The following IRAG2 variants were observed in gnomAD, a reference collection of about 807,000 sequenced individuals.
IRAG2 encodes lymphoid restricted membrane protein.
In IRAG2, 45 loss-of-function variants were observed where a neutral mutation model predicts 69.9. The ratio of observed to expected loss-of-function variants is 0.64; its 90% CI spans 0.51 to 0.83. The LOEUF (loss-of-function observed/expected upper bound fraction) is 0.83, where lower values mean the gene tolerates loss of function less well. Among genes scored for constraint, IRAG2 ranks in the 40% least tolerant of loss-of-function variants. The pLI, the probability that IRAG2 is intolerant of heterozygous loss-of-function variation, is 0.00. For synonymous variants in IRAG2, 193 were observed against 202.4 expected (o/e 0.95, Z 0.40); for missense variants, 520 against 587.0 (o/e 0.89, Z 1.18).
chr12:25,030,959 CATAG>C, intron 10 of IRAG2: 3 of 883,058 alleles, frequency 3.4e-6, no homozygotes, highest in South Asian at 1.1e-4. Context: ...TAGATAGATA[CATAG>C]ATAGATATCA....
intron 20 of IRAG2, among the ~76,000 whole-genome samples, chr12:25,105,524 A>G (rs17327547): frequency 0.015 from 2,341 of 152,294 alleles, 35 homozygotes; most frequent in Non-Finnish European, 0.026. Context: ...GACATGGTGC[A>G]ATCCTCAAAT....
intron 16 of IRAG2, among the ~76,000 whole-genome samples, chr12:25,042,293 T>C (rs1414199099): frequency 6.6e-6 from 1 of 152,060 alleles, no homozygotes; most frequent in Non-Finnish European, 1.5e-5. Flanking sequence ...CTGAGAAAGA[T>C]GCAGACTGGA....
intron 7 of IRAG2, among the ~76,000 whole-genome samples, chr12:25,022,976 A>G (rs182812670): frequency 6.6e-6 from 1 of 152,288 alleles, no homozygotes; most frequent in Non-Finnish European, 1.5e-5. Flanking sequence ...AAATACAAAA[A>G]GTAGCCAGGT....
chr12:25,106,362 T>TATAA (rs1338845090), intron 20 of IRAG2, among the ~76,000 whole-genome samples: 1 of 140,650 alleles, frequency 7.1e-6, no homozygotes, highest in Admixed American at 7.6e-5. Context: ...TTTTTATATA[T>TATAA]ATAAATATAT....
At chr12:25,079,866 AT>A (rs995851065) in intron 9 of IRAG2, 103 bp downstream of exon 9, 42 of 651,910 alleles carry the variant, frequency 6.4e-5, no homozygotes, top group Middle Eastern at 2.8e-4. Context: ...ATGTTATTTA[AT>A]TTTTTTTGTA....
At chr12:25,053,201 T>G (rs1043430726) in intron 1 of IRAG2, among the ~76,000 whole-genome samples, 1 of 151,920 alleles carries the variant, frequency 6.6e-6, no homozygotes, top group African/African-American at 2.4e-5. Flanking sequence ...TCTGTGGCTG[T>G]TTTTTTCTTT....
intron 15 of IRAG2, among the ~76,000 whole-genome samples, chr12:25,037,368 A>C (rs1685838612): frequency 6.6e-6 from 1 of 152,132 alleles, no homozygotes; most frequent in Non-Finnish European, 1.5e-5. Context: ...GCGTGATCTT[A>C]GCTCACTGCA....
chr12:24,998,689 A>AT, the IRAG2 span, among the ~76,000 whole-genome samples: 16 of 147,358 alleles, frequency 1.1e-4, no homozygotes, highest in South Asian at 4.2e-4. Flanking sequence ...CACATACTTA[A>AT]ATTTTTTTTT....
intron 16 of IRAG2, among the ~76,000 whole-genome samples, chr12:25,039,629 A>G (rs994333813): frequency 1.3e-5 from 2 of 152,138 alleles, no homozygotes; most frequent in African/African-American, 4.8e-5. Context: ...ACGGGGTTTC[A>G]CCATGTTAAC....
rs1312719792 is a variant in IRAG2 at position 25,083,434 on chromosome 12, G to C, written c.256G>C (p.Ala86Pro). 2 of 1,611,256 alleles carry C rather than the reference G, an allele frequency of 1.2e-6. No homozygotes were observed. Among genetic ancestry groups the C allele is most frequent in the Non-Finnish European group, 1.7e-6 (2 of 1,177,518 alleles). Residue 86 changes from alanine (A) to proline (P), a missense_variant, in exon 10 of 22, where the codon GCT becomes CCT. By Grantham distance (27) the Ala-to-Pro change is conservative. Transcript: ENST00000556887. ...CCTGTTTCTCACAGGCACAAGTCCA[G>C]CTCATGATAATATTGCATTCCAAGA... ...PTIEAQGTSPAHDNIAFQDST... is the reference protein window; with the variant it reads ...PTIEAQGTSPPHDNIAFQDST...
At position 25,061,607 on chromosome 12, in the gene IRAG2, T is replaced by C. The variant is rs1945643269; in HGVS notation, c.-431T>C. On this transcript the variant is annotated 5_prime_UTR_variant, in exon 2 of 22. Coordinates refer to ENST00000556887, the MANE Select transcript of IRAG2 (RefSeq NM_001366544.2). The stretch of plus-strand genomic sequence containing the variant: ...CTCTTTGTAGCAACAATTGAGTCAC[T>C]TCAAAAGGAGTTCATTGAAGGGGAA... The C allele has an allele frequency of 5.0e-6, 2 of 398,508 alleles. No homozygotes were observed. The highest frequency in any genetic ancestry group is 8.8e-6 in the Non-Finnish European group (2 of 226,064). 24.7% of individuals were successfully genotyped at this position (398,508 alleles called of 1,614,324 possible).
chr12:25,017,589 G>A (rs771155776), intron 6 of IRAG2, among the ~76,000 whole-genome samples: 1 of 151,978 alleles, frequency 6.6e-6, no homozygotes, highest in Non-Finnish European at 1.5e-5. Context: ...ATGGTGGCAC[G>A]AGCCTGTAAT....
chr12:25,080,781 A>T (rs1947152226), intron 9 of IRAG2, among the ~76,000 whole-genome samples: 1 of 152,220 alleles, frequency 6.6e-6, no homozygotes, highest in South Asian at 2.1e-4. Context: ...TTTATACTCC[A>T]CCTTATGTCT....
intron 16 of IRAG2, among the ~76,000 whole-genome samples, chr12:25,045,540 T>G (rs79545783): frequency 2.0e-5 from 3 of 151,866 alleles, no homozygotes; most frequent in Middle Eastern, 3.2e-3. Context: ...GAAGGAGATA[T>G]TACAACTAGA....
At chr12:25,101,383 T>C in intron 16 of IRAG2, 58 bp downstream of exon 16, 1 of 1,298,956 alleles carries the variant, frequency 7.7e-7, no homozygotes. Flanking sequence ...TCCTCTTTTT[T>C]GCTAAGTCTT....
intron 10 of IRAG2, among the ~76,000 whole-genome samples, chr12:25,087,366 C>T (rs1248799115): frequency 6.6e-6 from 1 of 151,748 alleles, no homozygotes; most frequent in African/African-American, 2.4e-5. Context: ...CGGGGTTTTG[C>T]CATGTTGGCC....
intron 6 of IRAG2, among the ~76,000 whole-genome samples, chr12:25,019,689 A>G (rs992309878): frequency 3.9e-5 from 6 of 152,150 alleles, no homozygotes; most frequent in Non-Finnish European, 7.4e-5. Context: ...GAAATCAGGG[A>G]TGCGAAGTTC....
At chr12:25,091,991 G>T (rs1948093360) in intron 14 of IRAG2, among the ~76,000 whole-genome samples, 1 of 152,236 alleles carries the variant, frequency 6.6e-6, no homozygotes, top group Admixed American at 6.5e-5. Context: ...TCAGGGCTGG[G>T]CACAGTGGCT....
chr12:25,037,680 A>G (rs1403164652), intron 15 of IRAG2, among the ~76,000 whole-genome samples: 6 of 152,348 alleles, frequency 3.9e-5, no homozygotes, highest in South Asian at 2.1e-4. Context: ...TGTGATGACT[A>G]CTGAAGTTGT....
Sources: gnomAD v4.1 joint callset for allele counts (sites outside exome capture counted in the v4.1 genomes callset) on GRCh38, gnomAD v4.1.1 for gene constraint, MANE v1.5 for transcripts, NCBI Gene and HGNC (gene_info 2026-07-23, HGNC 2026-07-21) for gene names.